The following NAA40 variants were observed in gnomAD, a reference collection of about 807,000 sequenced individuals.
The protein encoded by NAA40 is N-alpha-acetyltransferase 40, NatD catalytic subunit.
NAA40 carries 26 observed loss-of-function variants against 36.6 expected under a neutral mutation model. That is an observed-to-expected ratio of 0.71 (90% confidence interval 0.52 to 0.98). The LOEUF (loss-of-function observed/expected upper bound fraction) is 0.98. Ranked by LOEUF, NAA40 falls within the 50% of genes least tolerant of loss-of-function variation. The probability of loss-of-function intolerance (pLI) is 0.00; values close to 1 mark genes in which losing one functional copy is unlikely to be tolerated. For missense variants in NAA40, 237 were observed against 306.5 expected (o/e 0.77, Z 1.69); for synonymous variants, 129 against 108.4 (o/e 1.19, Z -1.18).
At chr11:63,952,983 A>G in intron 6 of NAA40, 144 bp downstream of exon 6, 1 of 606,314 alleles carries the variant, frequency 1.6e-6, no homozygotes, top group Non-Finnish European at 2.9e-6. Flanking sequence ...CCCTCTCAGT[A>G]AGATGCTCCC....
rs1942061922 is a variant in NAA40 at position 63,939,045 on chromosome 11, C to T, written c.-52C>T. ...GCTGTTGCAGCCACCGCCGTTGCCG[C>T]CTCCCTGCCGGCAAGTGTGTGAAGA... On this transcript the variant is annotated 5_prime_UTR_variant, in exon 1 of 8. Transcript: ENST00000377793. 6.3e-7 allele frequency: 1 copy of T among 1,598,386 alleles called. No homozygotes were observed. Among genetic ancestry groups the T allele is most frequent in the Non-Finnish European group, 8.5e-7 (1 of 1,172,920 alleles).
At chr11:63,951,967 A>C (rs758347359) in intron 3 of NAA40, among the ~76,000 whole-genome samples, 4 of 152,188 alleles carry the variant, frequency 2.6e-5, no homozygotes, top group Non-Finnish European at 5.9e-5. Context: ...CAAGAAGTTT[A>C]CAAAGTGCCG....
chr11:63,946,773 G>A (rs747523982), intron 2 of NAA40, 178 bp from the exon 3 acceptor site: 16 of 1,537,196 alleles, frequency 1.0e-5, no homozygotes, highest in East Asian at 4.9e-5. Flanking sequence ...AGCCTTCCTC[G>A]CACATGTGAC....
intron 6 of NAA40, among the ~76,000 whole-genome samples, chr11:63,953,591 AGAAAG>A (rs760257791): frequency 1.2e-4 from 19 of 152,166 alleles, no homozygotes; most frequent in Non-Finnish European, 2.1e-4. Flanking sequence ...AGACAAAGGC[AGAAAG>A]GAAAGGAAGC....
At chr11:63,953,465 T>C (rs1208748771) in intron 6 of NAA40, among the ~76,000 whole-genome samples, 6 of 152,208 alleles carry the variant, frequency 3.9e-5, no homozygotes, top group Non-Finnish European at 7.3e-5. Flanking sequence ...GGCCGATGCC[T>C]GTGCAGTCTG....
intron 3 of NAA40, among the ~76,000 whole-genome samples, chr11:63,950,382 G>A (rs957580859): frequency 2.0e-5 from 3 of 152,158 alleles, no homozygotes; most frequent in South Asian, 2.1e-4. Context: ...ACCTCCCGAA[G>A]TGCTGAGATT....
intron 3 of NAA40, 24 bp from the exon 4 acceptor site, chr11:63,952,214 G>C (rs367931844): frequency 6.4e-7 from 1 of 1,572,228 alleles, no homozygotes; most frequent in Non-Finnish European, 8.7e-7. Flanking sequence ...AACCAATTCC[G>C]TACACGTCCT....
At chr11:63,939,128 G>A in intron 1 of NAA40, 26 bp downstream of exon 1, 1 of 1,602,806 alleles carries the variant, frequency 6.2e-7, no homozygotes, top group South Asian at 1.1e-5. Flanking sequence ...AGAGGAGATG[G>A]GAGGTCCAGG....
At chr11:63,950,483 G>A (rs1036278292) in intron 3 of NAA40, among the ~76,000 whole-genome samples, 11 of 150,528 alleles carry the variant, frequency 7.3e-5, no homozygotes, top group Admixed American at 1.3e-4. Flanking sequence ...TTTCGTTTTT[G>A]TTTTTGAGAC....
Position 63,952,529 on chromosome 11 carries a change from G to A in NAA40, c.374G>A (p.Arg125Gln), listed in dbSNP as rs1274067850. The A allele has an allele frequency of 7.4e-6, 12 of 1,614,138 alleles. No individual in the cohort carries two copies. Among genetic ancestry groups the A allele is most frequent in the East Asian group, 2.2e-5 (1 of 44,884 alleles). The change falls in exon 5 of 8, where the codon CGG becomes CAG. Residue 125 changes from arginine to glutamine, a missense_variant. Coordinates refer to ENST00000377793, the MANE Select transcript of NAA40 (RefSeq NM_024771.4). Reference protein sequence around the residue: ...SSVPVAFSHFRFDVECGDEVL... With the variant: ...SSVPVAFSHFQFDVECGDEVL... Reference sequence around the variant, plus strand: ...GTCCCTGTTGCCTTTTCTCACTTCCGGTTTGACGTGGAGTGTGGGGATGAA... The same window carrying A: ...GTCCCTGTTGCCTTTTCTCACTTCCAGTTTGACGTGGAGTGTGGGGATGAA...
intron 3 of NAA40, 21 bp downstream of exon 3, chr11:63,947,024 C>T: frequency 6.2e-7 from 1 of 1,608,474 alleles, no homozygotes; most frequent in Non-Finnish European, 8.5e-7. Flanking sequence ...TTGAGCATTA[C>T]CAACTGCTGT....
rs201799513 is a variant in NAA40 at position 63,947,174 on chromosome 11, A to T, written c.155+171A>T. ...GTAATCCAAGCACTTTGGGAGACCGAGGTGGGTGGATCACATGAGGTCAGG... is the reference window on the plus strand; with the variant it reads ...GTAATCCAAGCACTTTGGGAGACCGTGGTGGGTGGATCACATGAGGTCAGG... On this transcript the variant is annotated intron_variant, in intron 3 of 7. Coordinates refer to ENST00000377793, the MANE Select transcript of NAA40 (RefSeq NM_024771.4). Among the ~76,000 whole-genome samples, 3 of 152,330 alleles carry T rather than the reference A, an allele frequency of 2.0e-5. No homozygotes were observed. The East Asian group carries it at 5.8e-4, about 29-fold the overall frequency.
intron 6 of NAA40, among the ~76,000 whole-genome samples, chr11:63,953,323 G>C (rs1267490192): frequency 6.6e-6 from 1 of 152,160 alleles, no homozygotes; most frequent in Non-Finnish European, 1.5e-5. Flanking sequence ...GGGATTACAG[G>C]CATGAGCCAC....
At position 63,956,432 on chromosome 11, in the gene NAA40, A is replaced by T. The variant is rs1282183417; in HGVS notation, c.*1953A>T. ...GACCCCCCCGTGTTCATCCCTTGTA[A>T]GGTGAGTTCAGTCTACGTTGTCTCT... On this transcript the variant is annotated 3_prime_UTR_variant, in exon 8 of 8. Coordinates refer to ENST00000377793, the MANE Select transcript of NAA40 (RefSeq NM_024771.4). 6.6e-6 allele frequency: 1 copy of T among 152,346 alleles called. No homozygotes were observed. Among genetic ancestry groups the T allele is most frequent in the African/African-American group, 2.4e-5 (1 of 41,448 alleles). 9.4% of individuals were successfully genotyped at this position (152,346 alleles called of 1,614,324 possible). A position where few individuals can be genotyped will look rare whatever the true frequency, so the allele number is the denominator to read the frequency against.
In NAA40 at chr11:63,954,601, C is replaced by T. The variant is rs182508835; in HGVS notation, c.*122C>T. On this transcript the variant is annotated 3_prime_UTR_variant, in exon 8 of 8. Transcript: ENST00000377793. ...CCCCAGCCCTGCACGTGCCAGGCTG[C>T]GCCCTGAGAGCACAGAACCCTGGGG... 81 of 1,158,944 alleles carry T rather than the reference C, an allele frequency of 7.0e-5. No homozygotes were observed. Among genetic ancestry groups the T allele is most frequent in the Middle Eastern group, 4.1e-4 (2 of 4,842 alleles). The allele number at this position is 1,158,944 out of a possible 1,614,324, so 71.8% of individuals were successfully genotyped here.
At chr11:63,946,888 G>C in intron 2 of NAA40, 63 bp from the exon 3 acceptor site, 1 of 1,609,762 alleles carries the variant, frequency 6.2e-7, no homozygotes, top group Non-Finnish European at 8.5e-7. Flanking sequence ...AACAGCTCTT[G>C]GGATAGGATC....
chr11:63,946,814 A>G (rs1317098249), intron 2 of NAA40, 137 bp from the exon 3 acceptor site: 1 of 1,566,812 alleles, frequency 6.4e-7, no homozygotes, highest in Admixed American at 1.8e-5. Flanking sequence ...GGGTTTTGGG[A>G]GGCTGCTCCT....
rs1261744853 is a variant in NAA40, at chr11:63,956,024, T to G, written c.*1545T>G. 1 of 152,678 alleles carries G rather than the reference T, an allele frequency of 6.5e-6. No individual in the cohort carries two copies. Among genetic ancestry groups the G allele is most frequent in the Non-Finnish European group, 1.5e-5 (1 of 68,110 alleles). The allele number at this position is 152,678 out of a possible 1,614,324, so 9.5% of individuals were successfully genotyped here. A position where few individuals can be genotyped will look rare whatever the true frequency, so the allele number is the denominator to read the frequency against. ...AGATCTCCCCAGAGTGGTCCTTGCT[T>G]CTCACCTGGATTCCTGCTTGTGCAG... On this transcript the variant is annotated 3_prime_UTR_variant, in exon 8 of 8. Coordinates refer to ENST00000377793, the MANE Select transcript of NAA40 (RefSeq NM_024771.4).
chr11:63,951,350 T>C (rs1249290146), intron 3 of NAA40, among the ~76,000 whole-genome samples: 1 of 152,136 alleles, frequency 6.6e-6, no homozygotes, highest in Non-Finnish European at 1.5e-5. Flanking sequence ...CGGTTTTTTT[T>C]TGTTTGTTTG....
Sources: allele counts gnomAD v4.1 joint callset (sites outside exome capture counted in the v4.1 genomes callset), GRCh38; gene constraint gnomAD v4.1.1; transcripts MANE v1.5; gene names NCBI Gene and HGNC (gene_info 2026-07-23, HGNC 2026-07-21).